SMOC2: variants seen among roughly 807,000 people sequenced by gnomAD.
SMOC2 encodes the protein SPARC-related modular calcium-binding protein 2.
A neutral mutation model predicts 61.4 loss-of-function variants in SMOC2; 39 were observed. The ratio of observed to expected loss-of-function variants is 0.64; its 90% CI spans 0.49 to 0.83. SMOC2 has a LOEUF of 0.83. SMOC2 is among the 40% of genes least tolerant of loss of function. The pLI is 0.00. For missense variants in SMOC2, 556 were observed against 592.9 expected, an observed-to-expected ratio of 0.94 and a Z score of 0.65; for synonymous variants, 247 against 239.9, an observed-to-expected ratio of 1.03 and a Z score of -0.27.
chr6:168,567,966 A>C (rs1277581151), intron 7 of SMOC2, among the ~76,000 whole-genome samples: 2 of 150,462 alleles, frequency 1.3e-5, no homozygotes, highest in African/African-American at 4.9e-5. Flanking sequence ...TCTTCAGATG[A>C]GCAGACACAG....
chr6:168,637,953 C>CTGGAGCTGGATGCTGAGT (rs1786784772), intron 9 of SMOC2, among the ~76,000 whole-genome samples: 1 of 151,634 alleles, frequency 6.6e-6, no homozygotes, highest in Non-Finnish European at 1.5e-5. Context: ...GGATGCTGAG[C>CTGGAGCTGGATGCTGAGT]GGGAGCCAGG....
rs534629202 is a variant in SMOC2 at position 168,532,781 on chromosome 6, G to A, written c.463+5054G>A. Among the ~76,000 whole-genome samples the A allele has an allele frequency of 3.3e-4, 50 of 152,320 alleles. 1 individual carries two copies. The South Asian group carries it at 0.01, about 31-fold the overall frequency. ...GAAGAGGGATAGACACAGCCCATGT[G>A]TAGTAGCTGGTGCCCATCTTGAGAC... On this transcript the variant is annotated intron_variant, in intron 4 of 12. Transcript: ENST00000356284.
At chr6:168,530,809 G>A (rs371624006) in intron 4 of SMOC2, among the ~76,000 whole-genome samples, 1 of 152,082 alleles carries the variant, frequency 6.6e-6, no homozygotes, top group Non-Finnish European at 1.5e-5. Flanking sequence ...CTTCCATTCC[G>A]GGAGGAAACC....
intron 1 of SMOC2, among the ~76,000 whole-genome samples, chr6:168,479,271 C>T (rs1291474800): frequency 1.3e-5 from 2 of 152,152 alleles, no homozygotes; most frequent in African/African-American, 2.4e-5. Context: ...ATACAATGTT[C>T]GATTTGTACT....
At chr6:168,457,723 T>C (rs1781620100) in intron 1 of SMOC2, among the ~76,000 whole-genome samples, 1 of 150,206 alleles carries the variant, frequency 6.7e-6, no homozygotes, top group African/African-American at 2.4e-5. Flanking sequence ...GGGCTGGTCC[T>C]AATGGAAATC....
At chr6:168,547,715 C>G (rs988846161) in intron 6 of SMOC2, among the ~76,000 whole-genome samples, 1 of 151,884 alleles carries the variant, frequency 6.6e-6, no homozygotes, top group African/African-American at 2.4e-5. Flanking sequence ...ATCTAAACAT[C>G]ATGATGTTAG....
intron 9 of SMOC2, among the ~76,000 whole-genome samples, chr6:168,614,433 C>A (rs1785992933): frequency 1.3e-5 from 1 of 78,828 alleles, no homozygotes; most frequent in Non-Finnish European, 2.5e-5. Context: ...AGCACAGGGC[C>A]TCTTCACACC....
At chr6:168,659,955 T>TGAGTAA (rs1787462648) in intron 11 of SMOC2, among the ~76,000 whole-genome samples, 2 of 116,376 alleles carry the variant, frequency 1.7e-5, no homozygotes, top group Non-Finnish European at 2.0e-5. Flanking sequence ...GGTTGTAGGT[T>TGAGTAA]GGGTGAGGTT....
At chr6:168,599,149 A>C in intron 8 of SMOC2, 145 bp downstream of exon 8, 6 of 721,774 alleles carry the variant, frequency 8.3e-6, no homozygotes, top group Non-Finnish European at 1.3e-5. Context: ...TACCACACAC[A>C]TACCCACACA....
At chr6:168,565,188 C>A (rs2115132381) in intron 7 of SMOC2, among the ~76,000 whole-genome samples, 1 of 152,294 alleles carries the variant, frequency 6.6e-6, no homozygotes, top group African/African-American at 2.4e-5. Context: ...TTTCCTTGGG[C>A]TTTCTTTAAA....
intron 7 of SMOC2, among the ~76,000 whole-genome samples, chr6:168,557,946 C>T (rs1784285714): frequency 6.6e-6 from 1 of 152,230 alleles, no homozygotes; most frequent in Admixed American, 6.5e-5. Context: ...TTTCCAACCT[C>T]CTCCTGCGGC....
intron 2 of SMOC2, among the ~76,000 whole-genome samples, chr6:168,519,009 A>G (rs192206759): frequency 7.7e-6 from 1 of 129,252 alleles, no homozygotes; most frequent in Non-Finnish European, 1.7e-5. Context: ...ATGTGTGAGT[A>G]TGCGTGCATG....
At chr6:168,522,164 AT>A (rs1783343494) in intron 2 of SMOC2, among the ~76,000 whole-genome samples, 1 of 152,196 alleles carries the variant, frequency 6.6e-6, no homozygotes, top group Admixed American at 6.5e-5. Context: ...CTATGAAACC[AT>A]TTCATCCCAG....
chr6:168,501,407 C>T (rs1187691150), intron 1 of SMOC2, among the ~76,000 whole-genome samples: 2 of 152,130 alleles, frequency 1.3e-5, no homozygotes, highest in East Asian at 3.9e-4. Flanking sequence ...CACCATCCGT[C>T]CCTTGCTGCG....
chr6:168,538,289 TG>T (rs549829072), intron 4 of SMOC2, among the ~76,000 whole-genome samples: 73 of 62,534 alleles, frequency 1.2e-3, no homozygotes, highest in South Asian at 5.7e-3. Flanking sequence ...TGCTGGAATG[TG>T]GGGGAGTGGG....
At position 168,599,524 on chromosome 6, in the gene SMOC2, AC is replaced by A. The variant is rs1464553516; in HGVS notation, c.824+525del. ...CACTGACACTCACACACACACTCAT[AC>A]CCCCACACACCCACTCACACACACT... is the stretch of plus-strand genomic sequence containing the variant. On this transcript the variant is annotated intron_variant, in intron 8 of 12. Transcript: ENST00000356284. 3.9e-4 allele frequency among the ~76,000 whole-genome samples: 9 copies of A among 23,046 alleles called. No individual in the cohort carries two copies. In the Admixed American group the frequency reaches 4.6e-3, roughly 12 times the overall value. 15.1% of individuals were successfully genotyped at this position (23,046 alleles called of 152,430 possible). A position where few individuals can be genotyped will look rare whatever the true frequency, so the allele number is the denominator to read the frequency against.
chr6:168,570,359 C>T (rs115525145), intron 7 of SMOC2, among the ~76,000 whole-genome samples: 1 of 152,228 alleles, frequency 6.6e-6, no homozygotes, highest in African/African-American at 2.4e-5. Context: ...TTGCCAGAAT[C>T]GTCAGGCTGA....
chr6:168,608,169 G>A lies in SMOC2; in HGVS notation c.837G>A (p.Pro279=), dbSNP rs376609544. ...CCCCCGCCCATAGGTACGAGCAGCC[G>A]AAATGTGACAACACGGCCAGGGCCC... The part of the protein sequence containing the change: ...IPGTSTRYEQ[P]KCDNTARAHP... The change falls in exon 9 of 13, where the codon CCG becomes CCA. Residue 279 remains proline (P), a synonymous_variant. Transcript: ENST00000356284. 6.4e-5 allele frequency: 104 copies of A among 1,613,552 alleles called. No homozygotes were observed. Among genetic ancestry groups the A allele is most frequent in the Non-Finnish European group, 8.3e-5 (98 of 1,179,892 alleles).
chr6:168,617,996 G>T (rs1786138765), intron 9 of SMOC2, among the ~76,000 whole-genome samples: 1 of 152,216 alleles, frequency 6.6e-6, no homozygotes, highest in Non-Finnish European at 1.5e-5. Context: ...TATGGGGTCT[G>T]CCAGGGATAA....
Sources: gnomAD v4.1 joint callset for allele counts (sites outside exome capture counted in the v4.1 genomes callset) on GRCh38, gnomAD v4.1.1 for gene constraint, MANE v1.5 for transcripts, NCBI Gene and HGNC (gene_info 2026-07-23, HGNC 2026-07-21) for gene names.